The following COL4A3 variants were observed in gnomAD, a reference collection of about 807,000 sequenced individuals.
COL4A3 encodes collagen type IV alpha 3 chain.
A neutral mutation model predicts 217.4 loss-of-function variants in COL4A3; 135 were observed. The ratio of observed to expected loss-of-function variants is 0.62; its 90% CI spans 0.54 to 0.72. The LOEUF (loss-of-function observed/expected upper bound fraction) is 0.72, where lower values mean the gene tolerates loss of function less well. Ranked by LOEUF, COL4A3 falls within the 30% of genes least tolerant of loss-of-function variation. The pLI, the probability that COL4A3 is intolerant of heterozygous loss-of-function variation, is 0.00. For missense variants in COL4A3, 1,868 were observed against 2,119.9 expected, an observed-to-expected ratio of 0.88 and a Z score of 2.33; for synonymous variants, 690 against 736.3, an observed-to-expected ratio of 0.94 and a Z score of 1.02.
intron 1 of COL4A3, among the ~76,000 whole-genome samples, chr2:227,196,629 T>A (rs2125719776): frequency 6.6e-6 from 1 of 152,326 alleles, no homozygotes; most frequent in Non-Finnish European, 1.5e-5. Flanking sequence ...TTTTATCTTT[T>A]ATATTGCATT....
chr2:227,286,802 T>C (rs189971443), intron 34 of COL4A3, among the ~76,000 whole-genome samples: 233 of 152,388 alleles, frequency 1.5e-3, no homozygotes, highest in Non-Finnish European at 2.2e-3. Flanking sequence ...CCCTGTGCTT[T>C]GAGAAGTGAA....
intron 36 of COL4A3, 43 bp downstream of exon 36, chr2:227,290,131 G>A: frequency 6.4e-7 from 1 of 1,551,436 alleles, no homozygotes; most frequent in East Asian, 2.2e-5. Flanking sequence ...GCTCATGATG[G>A]GTGAGGACTC....
At chr2:227,230,151 T>C (rs1054239959) in intron 1 of COL4A3, among the ~76,000 whole-genome samples, 1 of 152,100 alleles carries the variant, frequency 6.6e-6, no homozygotes, top group Non-Finnish European at 1.5e-5. Flanking sequence ...AGTAGGTCCA[T>C]ACATACATGG....
At chr2:227,233,940 T>G (rs1288476728) in intron 1 of COL4A3, among the ~76,000 whole-genome samples, 1 of 152,218 alleles carries the variant, frequency 6.6e-6, no homozygotes, top group Non-Finnish European at 1.5e-5. Flanking sequence ...ATGATGGATT[T>G]GCTAAAAATC....
rs1392424701 is a variant in COL4A3 at position 227,250,374 on chromosome 2, A to AGATG, written c.547-763_547-762insGGAT. On this transcript the variant is annotated intron_variant, in intron 9 of 51. Coordinates refer to ENST00000396578, the MANE Select transcript of COL4A3 (RefSeq NM_000091.5). This position sits in a 1 kb window ranked among gnomAD's most constrained non-coding sequence, Gnocchi z 4.1. ...TAGATAGATAGATAGATAGATAGAT[A>AGATG]GATAGATAGATATTTAAAAATTGTA... Among the ~76,000 whole-genome samples, 3 of 152,108 alleles carry AGATG rather than the reference A, an allele frequency of 2.0e-5. No homozygotes were observed. The highest frequency in any genetic ancestry group is 3.9e-4 in the East Asian group (2 of 5,172).
At chr2:227,172,960 C>T (rs2065545318) in intron 1 of COL4A3, among the ~76,000 whole-genome samples, 1 of 152,136 alleles carries the variant, frequency 6.6e-6, no homozygotes, top group Non-Finnish European at 1.5e-5. Flanking sequence ...ACCTAATTAC[C>T]TTCAGAGGCC....
At chr2:227,188,931 T>A (rs1343514285) in intron 1 of COL4A3, among the ~76,000 whole-genome samples, 1 of 152,102 alleles carries the variant, frequency 6.6e-6, no homozygotes, top group African/African-American at 2.4e-5. Flanking sequence ...AGGGATGCAA[T>A]GACAGAGAAT....
chr2:227,282,275 A>ATATATATATACAT lies in COL4A3; in HGVS notation c.2489-90_2489-89insTATATATATACAT, dbSNP rs1559896717. The ATATATATATACAT allele has an allele frequency of 8.2e-5, 29 of 354,528 alleles. No individual in the cohort carries two copies. The highest frequency in any genetic ancestry group is 9.7e-4 in the Middle Eastern group (1 of 1,028). The allele number at this position is 354,528 out of a possible 1,614,324, so 22.0% of individuals were successfully genotyped here. A position where few individuals can be genotyped will look rare whatever the true frequency, so the allele number is the denominator to read the frequency against. On this transcript the variant is annotated intron_variant, in intron 31 of 51. Transcript: ENST00000396578. The surrounding 1 kb of genome is among the most constrained non-coding windows in gnomAD (Gnocchi z 4.4). Reference sequence around the variant, plus strand: ...AGACAGAGGGAGATTCCATCTTAAAAATATATATATATATATATATATATA... The same window carrying ATATATATATACAT: ...AGACAGAGGGAGATTCCATCTTAAAATATATATATACATATATATATATATATATATATATATA...
chr2:227,219,013 T>TC (rs1300064699), intron 1 of COL4A3, among the ~76,000 whole-genome samples: 2 of 151,874 alleles, frequency 1.3e-5, no homozygotes, highest in Non-Finnish European at 2.9e-5. Context: ...TTTTTTTTTT[T>TC]AGACAGAGTC....
chr2:227,254,089 A>G (rs2069981273), intron 13 of COL4A3, 23 bp from the exon 14 acceptor site: 1 of 1,607,332 alleles, frequency 6.2e-7, no homozygotes, highest in African/African-American at 1.3e-5. Context: ...ATTTGTAACA[A>G]TGTTGAACTG....
intron 15 of COL4A3, among the ~76,000 whole-genome samples, chr2:227,255,323 A>C (rs1442236921): frequency 6.6e-6 from 1 of 152,186 alleles, no homozygotes; most frequent in Non-Finnish European, 1.5e-5. Context: ...GGGCAGCTGG[A>C]AAAACGGAAG....
chr2:227,297,059 G>A (rs79758135), intron 41 of COL4A3, among the ~76,000 whole-genome samples: 4,043 of 152,306 alleles, frequency 0.027, 147 homozygotes, highest in East Asian at 0.13. Context: ...TTTTTGGAGG[G>A]TCTTTGGTAA....
intron 1 of COL4A3, among the ~76,000 whole-genome samples, chr2:227,167,682 G>A (rs1390216697): frequency 2.0e-5 from 3 of 152,044 alleles, no homozygotes; most frequent in African/African-American, 7.2e-5. Flanking sequence ...TCAAATTTAA[G>A]CACTTTCAGT....
Position 227,244,932 on chromosome 2 carries a change from C to G in COL4A3, c.280-19C>G. ...AGTTTTTTTTTTTTGCCACCCCCTC[C>G]TTTTTCCTATGTCTTCAGGGAATAA... On this transcript the variant is annotated intron_variant, in intron 4 of 51. Coordinates refer to ENST00000396578, the MANE Select transcript of COL4A3 (RefSeq NM_000091.5). 3 of 1,611,584 alleles carry G rather than the reference C, an allele frequency of 1.9e-6. No homozygotes were observed. The highest frequency in any genetic ancestry group is 2.5e-6 in the Non-Finnish European group (3 of 1,178,538).
intron 37 of COL4A3, chr2:227,291,104 T>C (rs547002338): frequency 2.2e-5 from 12 of 539,888 alleles, no homozygotes; most frequent in South Asian, 2.0e-4. Flanking sequence ...CACCAAGGAA[T>C]TTCTCACACT....
At chr2:227,267,876 T>C (rs2071003954) in intron 23 of COL4A3, among the ~76,000 whole-genome samples, 1 of 152,030 alleles carries the variant, frequency 6.6e-6, no homozygotes, top group Non-Finnish European at 1.5e-5. Context: ...TTGACAACTG[T>C]GTGCCAGGCC....
At chr2:227,172,139 C>T (rs1577020026) in intron 1 of COL4A3, among the ~76,000 whole-genome samples, 1 of 152,252 alleles carries the variant, frequency 6.6e-6, no homozygotes, top group Non-Finnish European at 1.5e-5. Context: ...CTTGAGCCCA[C>T]TCTCCCAACT....
At chr2:227,280,023 A>T (rs1419671363) in intron 29 of COL4A3, 133 bp downstream of exon 29, 3 of 647,232 alleles carry the variant, frequency 4.6e-6, no homozygotes, top group Non-Finnish European at 8.1e-6. Flanking sequence ...AAGATATTAA[A>T]TTTTTTAAAT....
intron 20 of COL4A3, among the ~76,000 whole-genome samples, chr2:227,263,002 A>G (rs918106913): frequency 6.6e-6 from 1 of 152,250 alleles, no homozygotes; most frequent in East Asian, 1.9e-4. Context: ...ATACCCTGAC[A>G]TGATCATTAC....
Sources: allele counts gnomAD v4.1 joint callset (sites outside exome capture counted in the v4.1 genomes callset), GRCh38; gene constraint gnomAD v4.1.1; non-coding constraint Gnocchi (gnomAD v3.1); transcripts MANE v1.5; gene names NCBI Gene and HGNC (gene_info 2026-07-23, HGNC 2026-07-21).